The following SERTM1 variants were observed in gnomAD, a reference collection of about 807,000 sequenced individuals.
SERTM1 encodes the protein serine rich and transmembrane domain containing 1.
In SERTM1, 1 loss-of-function variant was observed where a neutral mutation model predicts 5.5. The observed-to-expected ratio is 0.18, with a 90% CI of 0.06 to 0.86. The LOEUF (loss-of-function observed/expected upper bound fraction) is 0.86. Ranked by LOEUF, SERTM1 falls within the 40% of genes least tolerant of loss-of-function variation. The pLI, the probability that SERTM1 is intolerant of heterozygous loss-of-function variation, is 0.69. For missense variants in SERTM1, 91 were observed against 122.4 expected, an observed-to-expected ratio of 0.74 and a Z score of 1.21; for synonymous variants, 52 against 55.1, an observed-to-expected ratio of 0.94 and a Z score of 0.25.
chr13:36,695,282 TATC>T lies in SERTM1; in HGVS notation c.208_210del (p.Ile70del). ...TCATTGCCCTCCAGAGGCTCAAAAA[TATC>T]ATCTCCTCCAGTTCCTCCTACCCAG... On this transcript the variant is annotated inframe_deletion, in exon 2 of 2. Transcript: ENST00000315190. The T allele has an allele frequency of 3.1e-6, 5 of 1,614,172 alleles. No homozygotes were observed. The highest frequency in any genetic ancestry group is 2.7e-5 in the African/African-American group (2 of 75,062).
intron 1 of SERTM1, among the ~76,000 whole-genome samples, chr13:36,686,984 C>T (rs570500337): frequency 1.3e-5 from 2 of 152,256 alleles, no homozygotes; most frequent in South Asian, 2.1e-4. Flanking sequence ...TTTAAATAGC[C>T]ATTTTACTCT....
At chr13:36,674,757 G>T (rs991337894) in intron 1 of SERTM1, among the ~76,000 whole-genome samples, 13 of 152,162 alleles carry the variant, frequency 8.5e-5, no homozygotes, top group Non-Finnish European at 1.5e-4. Context: ...CTGCTAAGGC[G>T]CTGGAGAGTC....
chr13:36,688,183 G>A (rs768861586), intron 1 of SERTM1, among the ~76,000 whole-genome samples: 15 of 151,820 alleles, frequency 9.9e-5, no homozygotes, highest in East Asian at 3.9e-4. Flanking sequence ...GTCCTAGCAC[G>A]GCATGGTTTT....
At chr13:36,693,345 C>T (rs894886877) in intron 1 of SERTM1, among the ~76,000 whole-genome samples, 2 of 151,710 alleles carry the variant, frequency 1.3e-5, no homozygotes, top group African/African-American at 4.8e-5. Context: ...TAGGTATTGC[C>T]AAAACAGTGT....
chr13:36,677,957 G>A (rs1189374498), intron 1 of SERTM1, among the ~76,000 whole-genome samples: 2 of 151,966 alleles, frequency 1.3e-5, no homozygotes, highest in Non-Finnish European at 2.9e-5. Context: ...TGACTTTCTG[G>A]CATCAGCCTG....
At chr13:36,679,503 G>A (rs979498391) in intron 1 of SERTM1, among the ~76,000 whole-genome samples, 21 of 152,260 alleles carry the variant, frequency 1.4e-4, no homozygotes, top group Middle Eastern at 3.4e-3. Context: ...TGTCTCCCAC[G>A]TTCAAGCGAT....
In SERTM1 at chr13:36,695,056, T is replaced by A. The variant is rs776283099; in HGVS notation, c.-23T>A. 2 of 1,574,386 alleles carry A rather than the reference T, an allele frequency of 1.3e-6. No homozygotes were observed. Among genetic ancestry groups the A allele is most frequent in the Non-Finnish European group, 1.7e-6 (2 of 1,151,272 alleles). ...GAAGTTTTGACTTTAATCTACCAGA[T>A]CACTCCTTCACCCTCCATAAAGATG... is the stretch of plus-strand genomic sequence containing the variant. On this transcript the variant is annotated 5_prime_UTR_variant, in exon 2 of 2. Coordinates refer to ENST00000315190, the MANE Select transcript of SERTM1 (RefSeq NM_203451.3).
intron 1 of SERTM1, among the ~76,000 whole-genome samples, chr13:36,682,126 T>G (rs2056709320): frequency 6.6e-6 from 1 of 152,222 alleles, no homozygotes; most frequent in Non-Finnish European, 1.5e-5. Context: ...ACAAGATCAT[T>G]TATTCATTTG....
chr13:36,685,442 A>G (rs976689460), intron 1 of SERTM1, among the ~76,000 whole-genome samples: 1 of 152,222 alleles, frequency 6.6e-6, no homozygotes, highest in Non-Finnish European at 1.5e-5. Flanking sequence ...TGTTTTATGT[A>G]ACCTCTGTCT....
Position 36,695,010 on chromosome 13 carries a change from TG to T in SERTM1, c.-68del. Reference sequence around the variant, plus strand: ...ACACGATCGTGAAAAAATGCCAATCTGTCCTGTGTAAGCCCTGTGTGAAGTT... The same window carrying T: ...ACACGATCGTGAAAAAATGCCAATCTTCCTGTGTAAGCCCTGTGTGAAGTT... On this transcript the variant is annotated 5_prime_UTR_variant, in exon 2 of 2. The change abolishes the stop of an existing upstream ORF in the 5' untranslated region. Coordinates refer to ENST00000315190, the MANE Select transcript of SERTM1 (RefSeq NM_203451.3). 1 of 1,107,556 alleles carries T rather than the reference TG, an allele frequency of 9.0e-7. No homozygotes were observed. Among genetic ancestry groups the T allele is most frequent in the Non-Finnish European group, 1.3e-6 (1 of 757,312 alleles). The allele number at this position is 1,107,556 out of a possible 1,614,324, so 68.6% of individuals were successfully genotyped here.
rs191824554 is a variant in SERTM1 at position 36,682,574 on chromosome 13, G to A, written c.-174+8390G>A. Reference sequence around the variant, plus strand: ...GGATTTGGGTTCAAGTTAGGGAGAGGATATGTACACATATAAGGATTGAAC... The same window carrying A: ...GGATTTGGGTTCAAGTTAGGGAGAGAATATGTACACATATAAGGATTGAAC... On this transcript the variant is annotated intron_variant, in intron 1 of 1. Transcript: ENST00000315190. Among the ~76,000 whole-genome samples, 6 of 152,228 alleles carry A rather than the reference G, an allele frequency of 3.9e-5. No individual in the cohort carries two copies. In the East Asian group the frequency reaches 1.2e-3, roughly 29 times the overall value.
intron 1 of SERTM1, among the ~76,000 whole-genome samples, chr13:36,680,990 G>T (rs2056701624): frequency 1.3e-5 from 2 of 152,102 alleles, no homozygotes; most frequent in Non-Finnish European, 2.9e-5. Context: ...GAGAATATTT[G>T]CTTCTCTTGT....
chr13:36,683,635 A>G (rs2056720495), intron 1 of SERTM1, among the ~76,000 whole-genome samples: 1 of 152,200 alleles, frequency 6.6e-6, no homozygotes, highest in African/African-American at 2.4e-5. Flanking sequence ...ATTGGCAGGT[A>G]CTTACACCAT....
At chr13:36,686,047 A>T (rs1283551327) in intron 1 of SERTM1, among the ~76,000 whole-genome samples, 6 of 152,206 alleles carry the variant, frequency 3.9e-5, no homozygotes, top group African/African-American at 1.4e-4. Flanking sequence ...AGATGCACAT[A>T]ACAGGATTAC....
rs1040928105 is a variant in SERTM1 at position 36,674,087 on chromosome 13, C to G, written c.-271C>G. ...GCCGCGCCGCTGCGCCCAACATTCC[C>G]GAGGACGGCTTCGCGGGCGCGTATC... On this transcript the variant is annotated 5_prime_UTR_variant, in exon 1 of 2. Transcript: ENST00000315190. 6.6e-6 allele frequency: 1 copy of G among 152,260 alleles called. No individual in the cohort carries two copies. Among genetic ancestry groups the G allele is most frequent in the Non-Finnish European group, 1.5e-5 (1 of 68,094 alleles). 9.4% of individuals were successfully genotyped at this position (152,260 alleles called of 1,614,324 possible). A position where few individuals can be genotyped will look rare whatever the true frequency, so the allele number is the denominator to read the frequency against.
At chr13:36,682,216 C>T (rs2056709786) in intron 1 of SERTM1, among the ~76,000 whole-genome samples, 1 of 152,156 alleles carries the variant, frequency 6.6e-6, no homozygotes, top group South Asian at 2.1e-4. Context: ...TCTTTATTCC[C>T]TTATTCTTTC....
intron 1 of SERTM1, among the ~76,000 whole-genome samples, chr13:36,692,868 T>C (rs2056788138): frequency 1.3e-5 from 2 of 152,232 alleles, no homozygotes; most frequent in Non-Finnish European, 1.5e-5. Context: ...TGTCTAGCTA[T>C]GTACCCTGAG....
chr13:36,691,504 G>C (rs2138097586), intron 1 of SERTM1, among the ~76,000 whole-genome samples: 1 of 152,220 alleles, frequency 6.6e-6, no homozygotes, highest in South Asian at 2.1e-4. Context: ...TATTACAAGA[G>C]ACAAAGGGAA....
At chr13:36,691,449 A>G (rs1382678318) in intron 1 of SERTM1, among the ~76,000 whole-genome samples, 1 of 152,060 alleles carries the variant, frequency 6.6e-6, no homozygotes, top group Admixed American at 6.6e-5. Context: ...TCCTCACTTC[A>G]CTAGGGGACT....
Sources: gnomAD v4.1 joint callset for allele counts (sites outside exome capture counted in the v4.1 genomes callset) on GRCh38, gnomAD v4.1.1 for gene constraint, MANE v1.5 for transcripts, NCBI Gene and HGNC (gene_info 2026-07-23, HGNC 2026-07-21) for gene names.